Variants in ABI3BP observed in about 807,000 individuals in gnomAD.
The protein encoded by ABI3BP is ABI family member 3 binding protein.
In ABI3BP, 216 loss-of-function variants were observed where a neutral mutation model predicts 268.6. That is an observed-to-expected ratio of 0.80 (90% CI 0.72 to 0.90). The LOEUF (loss-of-function observed/expected upper bound fraction) is 0.90. Among genes scored for constraint, ABI3BP ranks in the 40% least tolerant of loss-of-function variants. The pLI is 0.00. For missense variants in ABI3BP, 2,090 were observed against 2,182.4 expected, an observed-to-expected ratio of 0.96 and a Z score of 0.84; for synonymous variants, 730 against 730.0, an observed-to-expected ratio of 1.00 and a Z score of 0.00.
chr3:100,885,952 A>C (rs2041815438), intron 5 of ABI3BP, among the ~76,000 whole-genome samples, 190 bp downstream of exon 5: 1 of 152,054 alleles, frequency 6.6e-6, no homozygotes, highest in South Asian at 2.1e-4. Context: ...CTTATTTTAA[A>C]AATCACTTAT....
chr3:100,987,203 G>A (rs2092030709), intron 1 of ABI3BP, among the ~76,000 whole-genome samples: 1 of 152,168 alleles, frequency 6.6e-6, no homozygotes. Flanking sequence ...TGGTGATCCA[G>A]ATAGAGTGAT....
intron 1 of ABI3BP, among the ~76,000 whole-genome samples, chr3:100,936,640 C>A (rs762406413): frequency 2.6e-5 from 4 of 151,874 alleles, no homozygotes; most frequent in Non-Finnish European, 4.4e-5. Context: ...CTATTAATTG[C>A]TGCCTCAATT....
At chr3:100,830,110 CATATATATATAT>C (rs559297681) in intron 32 of ABI3BP, among the ~76,000 whole-genome samples, 1,110 of 44,262 alleles carry the variant, frequency 0.025, 16 homozygotes, top group South Asian at 0.038. Context: ...TACATACATA[CATATATATATAT>C]ATATATATAT....
chr3:100,816,741 G>T lies in ABI3BP; in HGVS notation c.3176C>A (p.Pro1059His), dbSNP rs577125596. The T allele has an allele frequency of 8.9e-5, 136 of 1,535,676 alleles. No individual in the cohort carries two copies. Among genetic ancestry groups the T allele is most frequent in the Non-Finnish European group, 1.2e-4 (132 of 1,146,684 alleles). ...TGATGTAGTTTTGGGTCTGGGACGG[G>T]GACGACGTGTCCGTTGTGTTTTAGG... ...LAPKTQRTRR[P>H]RPRPKTTSSP... Residue 1059 changes from proline to histidine, a missense_variant, in exon 43 of 68, where the codon CCC (proline) becomes CAC (histidine). By Grantham distance (77) the Pro-to-His change is moderately conservative. Coordinates refer to ENST00000471714, the MANE Select transcript of ABI3BP (RefSeq NM_001375547.2).
At chr3:100,851,748 C>A in intron 15 of ABI3BP, 127 bp downstream of exon 15, 2 of 718,658 alleles carry the variant, frequency 2.8e-6, no homozygotes, top group Non-Finnish European at 4.6e-6. Flanking sequence ...CTCCCTGACA[C>A]AGGTAGAAAT....
At chr3:100,889,170 C>T (rs1400034093) in intron 4 of ABI3BP, among the ~76,000 whole-genome samples, 5 of 152,110 alleles carry the variant, frequency 3.3e-5, no homozygotes, top group Admixed American at 3.3e-4. Flanking sequence ...CTGCATTATA[C>T]ATTTGCACAG....
intron 39 of ABI3BP, 145 bp downstream of exon 39, chr3:100,820,909 T>C: frequency 1.4e-6 from 1 of 723,518 alleles, no homozygotes; most frequent in Non-Finnish European, 2.2e-6. Flanking sequence ...GAATTTTCAA[T>C]ACTTTTAGGA....
At chr3:100,843,935 T>A in intron 20 of ABI3BP, 4 of 985,328 alleles carry the variant, frequency 4.1e-6, no homozygotes, top group Non-Finnish European at 4.8e-6. Flanking sequence ...TAAGGAAAAA[T>A]CTGCATTTTT....
intron 23 of ABI3BP, 54 bp downstream of exon 23, chr3:100,840,018 G>T: frequency 1.4e-6 from 2 of 1,407,432 alleles, no homozygotes; most frequent in Non-Finnish European, 1.9e-6. Flanking sequence ...TATCAAACCA[G>T]AAGCTGCCAT....
Position 100,808,242 on chromosome 3 carries a change from GAA to G in ABI3BP, c.3608-9_3608-8del. On this transcript the variant is annotated splice_polypyrimidine_tract_variant and splice_region_variant and intron_variant, in intron 49 of 67. Transcript: ENST00000471714. Reference sequence around the variant, plus strand: ...CGTGGTGTCTGCTTGGGAGCTAAAAGAAAGGATATAGGTTCGGAAATCTTGAG... The same window carrying G: ...CGTGGTGTCTGCTTGGGAGCTAAAAGAGGATATAGGTTCGGAAATCTTGAG... 6.2e-7 allele frequency: 1 copy of G among 1,604,934 alleles called. No homozygotes were observed. Among genetic ancestry groups the G allele is most frequent in the South Asian group, 1.1e-5 (1 of 89,586 alleles).
chr3:100,906,144 G>A (rs2053339414), intron 2 of ABI3BP, among the ~76,000 whole-genome samples: 1 of 152,080 alleles, frequency 6.6e-6, no homozygotes, highest in African/African-American at 2.4e-5. Context: ...TCCTTCATAT[G>A]GATTAATTAT....
intron 55 of ABI3BP, among the ~76,000 whole-genome samples, chr3:100,791,734 CAAT>C (rs887669496): frequency 2.0e-5 from 3 of 151,588 alleles, no homozygotes; most frequent in Non-Finnish European, 4.4e-5. Context: ...ACCAAACAAA[CAAT>C]AAAAAAGATT....
At position 100,750,278 on chromosome 3, in the gene ABI3BP, TTC is replaced by T; in HGVS notation, c.*215_*216del. The T allele has an allele frequency of 2.5e-6, 1 of 395,904 alleles. No homozygotes were observed. The highest frequency in any genetic ancestry group is 4.5e-6 in the Non-Finnish European group (1 of 223,172). The allele number at this position is 395,904 out of a possible 1,614,324, so 24.5% of individuals were successfully genotyped here. ...GGAGCCAGCTTCCCCAAAAATGTTATTCTGTTAACATCAGTATCTTGCTTTCT... is the reference window on the plus strand; with the variant it reads ...GGAGCCAGCTTCCCCAAAAATGTTATTGTTAACATCAGTATCTTGCTTTCT... On this transcript the variant is annotated 3_prime_UTR_variant, in exon 68 of 68. Coordinates refer to ENST00000471714, the MANE Select transcript of ABI3BP (RefSeq NM_001375547.2).
rs114834818 is a variant in ABI3BP at position 100,824,037 on chromosome 3, T to C, written c.2747-523A>G. On this transcript the variant is annotated intron_variant, in intron 36 of 67. Coordinates refer to ENST00000471714, the MANE Select transcript of ABI3BP (RefSeq NM_001375547.2). ...AGACCTCTGTCCAAACCATGACACC[T>C]AAGAGAACAGGGTGGTCACTCAGCC... is the stretch of plus-strand genomic sequence containing the variant. 3.6e-3 allele frequency among the ~76,000 whole-genome samples: 542 copies of C among 152,276 alleles called. 5 individuals carry two copies. The highest frequency in any genetic ancestry group is 5.3e-3 in the Non-Finnish European group (360 of 68,018).
chr3:100,819,415 A>C lies in ABI3BP; in HGVS notation c.3031+805T>G, dbSNP rs9862621. On this transcript the variant is annotated intron_variant, in intron 40 of 67. Transcript: ENST00000471714. ...TATAGCACCCCTCAAAACAAGTTCA[A>C]TTTACCCAGATACACTCCCTTGCTT... Among the ~76,000 whole-genome samples the C allele has an allele frequency of 4.8e-3, 726 of 152,110 alleles. 2 individuals carry two copies. The highest frequency in any genetic ancestry group is 0.017 in the African/African-American group (686 of 41,486).
intron 3 of ABI3BP, among the ~76,000 whole-genome samples, chr3:100,902,182 A>C (rs2050728319): frequency 6.6e-6 from 1 of 152,194 alleles, no homozygotes; most frequent in Non-Finnish European, 1.5e-5. Flanking sequence ...TCTCCTTAAG[A>C]AAAGGTGAGA....
chr3:100,863,902 G>T, intron 12 of ABI3BP, 100 bp downstream of exon 12: 3 of 880,292 alleles, frequency 3.4e-6, no homozygotes, highest in Non-Finnish European at 5.4e-6. Flanking sequence ...ACCTTTAAGG[G>T]ATTGGGTATA....
intron 1 of ABI3BP, among the ~76,000 whole-genome samples, chr3:100,970,275 G>A (rs2083003237): frequency 6.6e-6 from 1 of 152,238 alleles, no homozygotes; most frequent in Non-Finnish European, 1.5e-5. Context: ...CCATAACAAT[G>A]CTCAGTGGTA....
At chr3:100,826,571 G>A (rs964547839) in intron 34 of ABI3BP, among the ~76,000 whole-genome samples, 2 of 152,174 alleles carry the variant, frequency 1.3e-5, no homozygotes, top group African/African-American at 2.4e-5. Context: ...GCACTTTAGT[G>A]ATGCTGAATA....
Sources: allele counts gnomAD v4.1 joint callset (sites outside exome capture counted in the v4.1 genomes callset), GRCh38; gene constraint gnomAD v4.1.1; transcripts MANE v1.5; gene names NCBI Gene and HGNC (gene_info 2026-07-23, HGNC 2026-07-21).